AXIN2: variants seen among roughly 807,000 people sequenced by gnomAD.
AXIN2 encodes the protein axin 2.
Under a neutral mutation model 74.7 loss-of-function variants are expected in AXIN2, and 21 were observed. The ratio of observed to expected loss-of-function variants is 0.28; its 90% CI spans 0.20 to 0.40. The LOEUF (loss-of-function observed/expected upper bound fraction) is 0.40, where lower values mean the gene tolerates loss of function less well. AXIN2 is among the 10% of genes least tolerant of loss of function. The pLI, the probability that AXIN2 is intolerant of heterozygous loss-of-function variation, is 1.00. For missense variants in AXIN2, 1,144 were observed against 1,111.1 expected (o/e 1.03, Z -0.42); for synonymous variants, 532 against 454.9 (o/e 1.17, Z -2.16).
intron 5 of AXIN2, 33 bp downstream of exon 5, chr17:65,538,169 GA>G: frequency 6.2e-7 from 1 of 1,613,924 alleles, no homozygotes; most frequent in Non-Finnish European, 8.5e-7. Flanking sequence ...TCACGCCGTG[GA>G]CGGAAGCAGG....
At chr17:65,530,182 G>A (rs2043793126) in intron 10 of AXIN2, 80 bp from the exon 11 acceptor site, 2 of 1,581,772 alleles carry the variant, frequency 1.3e-6, no homozygotes, top group Admixed American at 3.4e-5. Flanking sequence ...CAACATGGAG[G>A]ACTGAGGTAT....
chr17:65,540,528 A>T (rs938850426), intron 4 of AXIN2, among the ~76,000 whole-genome samples: 1 of 152,182 alleles, frequency 6.6e-6, no homozygotes, highest in African/African-American at 2.4e-5. Flanking sequence ...GCAAAGGTTC[A>T]AAAATAGGTC....
intron 2 of AXIN2, among the ~76,000 whole-genome samples, chr17:65,555,017 C>T (rs2144568323): frequency 6.6e-6 from 1 of 152,366 alleles, no homozygotes; most frequent in Middle Eastern, 3.4e-3. Flanking sequence ...AGGCATCCCC[C>T]TCAACCACTC....
chr17:65,549,136 C>G (rs1173502500), intron 3 of AXIN2, among the ~76,000 whole-genome samples: 56 of 152,222 alleles, frequency 3.7e-4, no homozygotes, highest in Non-Finnish European at 2.9e-5. Context: ...GTTGGTTCTG[C>G]AGACAGGATA....
chr17:65,536,282 A>G (rs2043912573), intron 8 of AXIN2, 38 bp downstream of exon 8: 1 of 1,565,616 alleles, frequency 6.4e-7, no homozygotes, highest in Admixed American at 1.9e-5. Flanking sequence ...CCCAAACCCA[A>G]TCCCTGCCTC....
chr17:65,536,183 C>T (rs1026036010), intron 8 of AXIN2, 137 bp downstream of exon 8: 7 of 882,426 alleles, frequency 7.9e-6, no homozygotes, highest in Admixed American at 2.1e-5. Context: ...GCAGCTTACT[C>T]ATCCATAAGT....
intron 3 of AXIN2, 61 bp downstream of exon 3, chr17:65,549,459 T>C: frequency 6.2e-7 from 1 of 1,605,040 alleles, no homozygotes. Context: ...CGATTCTGGC[T>C]AAGTGCTCAG....
chr17:65,534,216 G>T, intron 9 of AXIN2, 137 bp from the exon 10 acceptor site: 1 of 1,101,654 alleles, frequency 9.1e-7, no homozygotes, highest in Non-Finnish European at 1.4e-6. Flanking sequence ...CCAAAGTGGG[G>T]GCTGGGGCAG....
intron 5 of AXIN2, 63 bp downstream of exon 5, chr17:65,538,140 C>T (rs774405682): frequency 1.2e-6 from 2 of 1,612,178 alleles, no homozygotes; most frequent in Non-Finnish European, 1.7e-6. Context: ...CATGCACATG[C>T]GCATACACAT....
chr17:65,535,821 A>G (rs1206862190), intron 8 of AXIN2, 100 bp from the exon 9 acceptor site: 1 of 1,068,990 alleles, frequency 9.4e-7, no homozygotes, highest in Non-Finnish European at 1.4e-6. Context: ...CTGAAGAGAC[A>G]CGAACCCGAC....
chr17:65,538,755 G>C (rs972955494), intron 4 of AXIN2, among the ~76,000 whole-genome samples: 1 of 134,562 alleles, frequency 7.4e-6, no homozygotes, highest in Admixed American at 8.1e-5. Context: ...GGAATAGAAA[G>C]TAGAATCTAA....
At chr17:65,549,426 C>T in intron 3 of AXIN2, 94 bp downstream of exon 3, 2 of 1,540,858 alleles carry the variant, frequency 1.3e-6, no homozygotes, top group Non-Finnish European at 1.8e-6. Context: ...GTGCGGTCTG[C>T]AAAGCCAGCT....
intron 8 of AXIN2, 112 bp downstream of exon 8, chr17:65,536,208 T>G: frequency 9.2e-7 from 1 of 1,085,300 alleles, no homozygotes; most frequent in Non-Finnish European, 1.4e-6. Context: ...CTTCTTCTCA[T>G]GGGAGGGTTT....
At chr17:65,548,397 C>G (rs1381976546) in intron 3 of AXIN2, among the ~76,000 whole-genome samples, 1 of 152,296 alleles carries the variant, frequency 6.6e-6, no homozygotes, top group East Asian at 1.9e-4. Context: ...TTCAAACAAA[C>G]TGGAATAATA....
intron 3 of AXIN2, among the ~76,000 whole-genome samples, chr17:65,545,397 A>T (rs1322254840): frequency 3.9e-5 from 6 of 152,162 alleles, no homozygotes; most frequent in African/African-American, 1.4e-4. Flanking sequence ...AACGTTAAAA[A>T]AATTTTTTTT....
chr17:65,549,391 C>T, intron 3 of AXIN2, 129 bp downstream of exon 3: 1 of 1,174,744 alleles, frequency 8.5e-7, no homozygotes, highest in Non-Finnish European at 1.2e-6. Context: ...CCCCTCCCAC[C>T]AAACTGATGT....
intron 2 of AXIN2, among the ~76,000 whole-genome samples, chr17:65,556,391 C>T (rs1186709570): frequency 6.6e-6 from 1 of 152,106 alleles, no homozygotes; most frequent in Non-Finnish European, 1.5e-5. Flanking sequence ...TAGCAGGTGC[C>T]CGGCGACTGA....
chr17:65,531,356 G>A (rs1264701202), intron 10 of AXIN2, among the ~76,000 whole-genome samples: 1 of 151,994 alleles, frequency 6.6e-6, no homozygotes, highest in Admixed American at 6.6e-5. Context: ...TAATGCAGTG[G>A]GGTGAACAAC....
chr17:65,530,128 CT>C, intron 10 of AXIN2, 26 bp from the exon 11 acceptor site: 9 of 1,613,586 alleles, frequency 5.6e-6, no homozygotes, highest in Non-Finnish European at 7.6e-6. Flanking sequence ...AAAAAAGCTT[CT>C]TGGTAAACTG....
Sources: allele counts gnomAD v4.1 joint callset (sites outside exome capture counted in the v4.1 genomes callset), GRCh38; gene constraint gnomAD v4.1.1; transcripts MANE v1.5; gene names NCBI Gene and HGNC (gene_info 2026-07-23, HGNC 2026-07-21).